FGD4: variants seen among roughly 807,000 people sequenced by gnomAD.
The protein encoded by FGD4 is FYVE, RhoGEF and PH domain-containing protein 4.
In FGD4, 42 loss-of-function variants were observed where a neutral mutation model predicts 102.0. That is an observed-to-expected ratio of 0.41 (90% confidence interval 0.32 to 0.53). The LOEUF (loss-of-function observed/expected upper bound fraction) is 0.53, where lower values mean the gene tolerates loss of function less well. FGD4 is among the 20% of genes least tolerant of loss of function. FGD4 has a pLI of 0.21. For missense variants in FGD4, 902 were observed against 1,078.2 expected (o/e 0.84, Z 2.29); for synonymous variants, 380 against 375.7 (o/e 1.01, Z -0.13).
At chr12:32,602,095 A>G in intron 6 of FGD4, 66 bp from the exon 7 acceptor site, 1 of 1,453,226 alleles carries the variant, frequency 6.9e-7, no homozygotes, top group Non-Finnish European at 9.6e-7. Flanking sequence ...AGTCTGGGTG[A>G]CAGAACAAGA....
At chr12:32,500,576 G>A (rs1938143010) in intron 1 of FGD4, among the ~76,000 whole-genome samples, 1 of 151,980 alleles carries the variant, frequency 6.6e-6, no homozygotes, top group Non-Finnish European at 1.5e-5. Flanking sequence ...TGGGACTACA[G>A]GCGCCCGCCA....
At chr12:32,520,433 G>GTTTTTTTTTTTT (rs1374009063) in intron 1 of FGD4, among the ~76,000 whole-genome samples, 1 of 103,060 alleles carries the variant, frequency 9.7e-6, no homozygotes, top group Non-Finnish European at 2.5e-5. Context: ...GGGTTTTTTT[G>GTTTTTTTTTTTT]TTTTTTGTTT....
At chr12:32,472,929 C>T (rs977881802) in intron 1 of FGD4, among the ~76,000 whole-genome samples, 4 of 152,028 alleles carry the variant, frequency 2.6e-5, no homozygotes, top group Admixed American at 1.3e-4. Context: ...GTAAATATAC[C>T]AATCGGCACT....
chr12:32,501,324 G>A (rs1364029947), intron 1 of FGD4, among the ~76,000 whole-genome samples: 1 of 152,198 alleles, frequency 6.6e-6, no homozygotes, highest in African/African-American at 2.4e-5. Context: ...TAGATTTATA[G>A]TTTACCTCTA....
At chr12:32,448,731 G>T (rs1258707692) in intron 1 of FGD4, among the ~76,000 whole-genome samples, 4 of 151,996 alleles carry the variant, frequency 2.6e-5, no homozygotes, top group Non-Finnish European at 4.4e-5. Flanking sequence ...CAGGGGGAAG[G>T]AAAGAAGATA....
chr12:32,416,571 A>G (rs569041436), intron 1 of FGD4, among the ~76,000 whole-genome samples: 7 of 152,322 alleles, frequency 4.6e-5, no homozygotes, highest in Admixed American at 4.6e-4. Flanking sequence ...GTTTGCAAAT[A>G]CTATCTCGTA....
At chr12:32,626,992 C>T (rs887074508) in intron 14 of FGD4, among the ~76,000 whole-genome samples, 4 of 151,500 alleles carry the variant, frequency 2.6e-5, no homozygotes, top group East Asian at 3.9e-4. Context: ...GAATTACAGG[C>T]GTGTGCCACC....
intron 1 of FGD4, among the ~76,000 whole-genome samples, chr12:32,403,531 T>C (rs1012440682): frequency 4.0e-5 from 6 of 151,794 alleles, no homozygotes; most frequent in Non-Finnish European, 7.4e-5. Context: ...AGTTTGAGGA[T>C]GAAGTATGCT....
chr12:32,470,441 C>T (rs913093306), intron 1 of FGD4, among the ~76,000 whole-genome samples: 36 of 148,474 alleles, frequency 2.4e-4, no homozygotes, highest in African/African-American at 7.1e-4. Flanking sequence ...CTGACTGCTT[C>T]GAAGTTTTCT....
chr12:32,468,950 C>T (rs1318895068), intron 1 of FGD4, among the ~76,000 whole-genome samples: 2 of 152,000 alleles, frequency 1.3e-5, no homozygotes, highest in South Asian at 2.1e-4. Context: ...CTCAGCCTCC[C>T]GAGTAGCTGG....
intron 1 of FGD4, among the ~76,000 whole-genome samples, chr12:32,514,374 A>G (rs956705517): frequency 1.3e-5 from 2 of 152,190 alleles, no homozygotes; most frequent in African/African-American, 4.8e-5. Flanking sequence ...CACTTTCCCA[A>G]TAAACCTTTT....
At chr12:32,621,594 G>C (rs1379696795) in intron 11 of FGD4, among the ~76,000 whole-genome samples, 1 of 152,228 alleles carries the variant, frequency 6.6e-6, no homozygotes, top group Non-Finnish European at 1.5e-5. Flanking sequence ...TGCCCAGGGA[G>C]TCCAAGAATT....
intron 1 of FGD4, among the ~76,000 whole-genome samples, chr12:32,559,950 A>G (rs182696997): frequency 6.6e-6 from 1 of 152,310 alleles, no homozygotes; most frequent in African/African-American, 2.4e-5. Context: ...GTCTCAATTT[A>G]CAATTACATT....
chr12:32,411,007 T>C (rs1941184800), intron 1 of FGD4, among the ~76,000 whole-genome samples: 1 of 148,976 alleles, frequency 6.7e-6, no homozygotes, highest in Non-Finnish European at 1.5e-5. Context: ...ATCGGATCAC[T>C]GCAGCCTCCG....
At chr12:32,458,605 A>G (rs547977814) in intron 1 of FGD4, among the ~76,000 whole-genome samples, 69 of 152,340 alleles carry the variant, frequency 4.5e-4, no homozygotes, top group African/African-American at 1.6e-3. Flanking sequence ...GTGTTATGCA[A>G]AGATCATCGT....
intron 1 of FGD4, among the ~76,000 whole-genome samples, chr12:32,484,523 C>A (rs768702364): frequency 6.6e-6 from 1 of 152,126 alleles, no homozygotes; most frequent in African/African-American, 2.4e-5. Context: ...GAATTTACAT[C>A]ATGATTAATG....
chr12:32,632,464 C>T (rs547634117), intron 14 of FGD4, among the ~76,000 whole-genome samples: 100 of 152,106 alleles, frequency 6.6e-4, no homozygotes, highest in South Asian at 3.1e-3. Context: ...GAAGGGTGAG[C>T]GTTAAGTTAA....
At chr12:32,413,184 TG>T (rs1941276680) in intron 1 of FGD4, among the ~76,000 whole-genome samples, 1 of 152,030 alleles carries the variant, frequency 6.6e-6, no homozygotes, top group African/African-American at 2.4e-5. Context: ...ATGTAGATGA[TG>T]GTTTGATAAG....
chr12:32,614,368 A>G (rs1266909577), intron 10 of FGD4, among the ~76,000 whole-genome samples: 2 of 152,228 alleles, frequency 1.3e-5, no homozygotes, highest in African/African-American at 2.4e-5. Flanking sequence ...ATGGTTACCA[A>G]CAGGTAGAAG....
Sources: gnomAD v4.1 joint callset for allele counts (sites outside exome capture counted in the v4.1 genomes callset) on GRCh38, gnomAD v4.1.1 for gene constraint, MANE v1.5 for transcripts, NCBI Gene and HGNC (gene_info 2026-07-23, HGNC 2026-07-21) for gene names.